RNF175: variants seen among roughly 807,000 people sequenced by gnomAD.
The protein encoded by RNF175 is ring finger protein 175.
In RNF175, 38 loss-of-function variants were observed where a neutral mutation model predicts 50.0. The observed-to-expected ratio is 0.76, with a 90% confidence interval of 0.59 to 1.00. RNF175 has a LOEUF of 1.00. RNF175 is among the 50% of genes least tolerant of loss of function. RNF175 has a pLI of 0.00. For synonymous variants in RNF175, 155 were observed against 146.1 expected (o/e 1.06, Z -0.44); for missense variants, 388 against 409.6 (o/e 0.95, Z 0.46).
Position 153,710,231 on chromosome 4 carries a change from C to T in RNF175, c.*138G>A, listed in dbSNP as rs1737469298. ...TCAGCTTCTCTTTAAATTCTTTCCACATGGACAAATTGCTTGACAACAAAG... is the reference window on the plus strand; with the variant it reads ...TCAGCTTCTCTTTAAATTCTTTCCATATGGACAAATTGCTTGACAACAAAG... On this transcript the variant is annotated 3_prime_UTR_variant, in exon 9 of 9. Coordinates refer to ENST00000347063, the MANE Select transcript of RNF175 (RefSeq NM_173662.4). The T allele has an allele frequency of 1.6e-6, 1 of 618,910 alleles. No homozygotes were observed. The highest frequency in any genetic ancestry group is 2.9e-5 in the East Asian group (1 of 34,404). 38.3% of individuals were successfully genotyped at this position (618,910 alleles called of 1,614,324 possible).
chr4:153,735,949 A>G (rs945638909), intron 3 of RNF175, among the ~76,000 whole-genome samples: 1 of 152,164 alleles, frequency 6.6e-6, no homozygotes, highest in African/African-American at 2.4e-5. Flanking sequence ...TTTCTTTCTA[A>G]TCTGCATACC....
In RNF175 at chr4:153,712,527, T is replaced by G. The variant is rs1358102546; in HGVS notation, c.814A>C (p.Thr272Pro). 9 of 1,613,366 alleles carry G rather than the reference T, an allele frequency of 5.6e-6. No homozygotes were observed. The highest frequency in any genetic ancestry group is 7.6e-6 in the Non-Finnish European group (9 of 1,179,510). ...RGWCIVGKKQ[T>P]CPYCKEKVDL... ...ACTTTCTCTTTGCAGTAAGGGCAAG[T>G]CTGCTTTTTCCCAACGATACACCAA... Residue 272 changes from threonine (T) to proline (P), a missense_variant, in exon 8 of 9, where the codon ACT (threonine) becomes CCT (proline). By Grantham distance (38) the Thr-to-Pro change is conservative. Transcript: ENST00000347063.
intron 1 of RNF175, 126 bp downstream of exon 1, chr4:153,759,670 TC>T: frequency 1.7e-6 from 1 of 577,586 alleles, no homozygotes; most frequent in Non-Finnish European, 2.8e-6. Flanking sequence ...CCCACGTCTT[TC>T]CAGGGCCGGT....
chr4:153,721,646 T>A (rs187367141), intron 5 of RNF175, among the ~76,000 whole-genome samples: 1 of 152,166 alleles, frequency 6.6e-6, no homozygotes, highest in East Asian at 1.9e-4. Flanking sequence ...ATGATAATCA[T>A]CAAGTAGTGA....
chr4:153,734,400 GTTATC>G (rs2127134442), intron 3 of RNF175, among the ~76,000 whole-genome samples: 1 of 152,228 alleles, frequency 6.6e-6, no homozygotes, highest in African/African-American at 2.4e-5. Flanking sequence ...GGTGTGTAGT[GTTATC>G]TTATTATTGC....
intron 6 of RNF175, among the ~76,000 whole-genome samples, chr4:153,716,958 G>A (rs753009998): frequency 2.0e-5 from 3 of 152,158 alleles, no homozygotes; most frequent in Non-Finnish European, 4.4e-5. Context: ...TAGTGATTTT[G>A]CCAAACAAGT....
At chr4:153,728,392 C>A in intron 3 of RNF175, 31 bp from the exon 4 acceptor site, 1 of 1,605,294 alleles carries the variant, frequency 6.2e-7, no homozygotes, top group Non-Finnish European at 8.5e-7. Flanking sequence ...AAGTATCTTT[C>A]AATGACCAAG....
chr4:153,743,352 C>T (rs116109197), intron 3 of RNF175, among the ~76,000 whole-genome samples: 1,619 of 152,308 alleles, frequency 0.011, 35 homozygotes, highest in African/African-American at 0.037. Context: ...TCTTGAGCCA[C>T]AGATTGAGTA....
intron 6 of RNF175, among the ~76,000 whole-genome samples, chr4:153,718,354 A>G (rs1411891479): frequency 6.6e-6 from 1 of 151,084 alleles, no homozygotes; most frequent in Non-Finnish European, 1.5e-5. Context: ...TCCTTACCTC[A>G]GTCACAAGCA....
At chr4:153,719,627 C>G (rs138384014) in intron 6 of RNF175, among the ~76,000 whole-genome samples, 1 of 152,138 alleles carries the variant, frequency 6.6e-6, no homozygotes, top group Non-Finnish European at 1.5e-5. Flanking sequence ...AGAAAAACAA[C>G]TGTTAGGGAT....
At chr4:153,712,131 C>T (rs189682135) in intron 8 of RNF175, among the ~76,000 whole-genome samples, 1 of 152,130 alleles carries the variant, frequency 6.6e-6, no homozygotes, top group African/African-American at 2.4e-5. Context: ...ATCTACCCAC[C>T]CATCCAGTTC....
At chr4:153,743,601 T>C (rs776011039) in intron 3 of RNF175, among the ~76,000 whole-genome samples, 7 of 152,122 alleles carry the variant, frequency 4.6e-5, no homozygotes, top group Non-Finnish European at 1.0e-4. Context: ...AGGATCACCA[T>C]GATCATTATC....
At chr4:153,720,084 A>G in intron 6 of RNF175, 100 bp downstream of exon 6, 2 of 1,284,824 alleles carry the variant, frequency 1.6e-6, no homozygotes, top group Non-Finnish European at 2.2e-6. Context: ...CAGTATATGG[A>G]GAAAGACTTA....
intron 3 of RNF175, among the ~76,000 whole-genome samples, chr4:153,730,752 T>C (rs1738991683): frequency 6.6e-6 from 1 of 152,222 alleles, no homozygotes; most frequent in African/African-American, 2.4e-5. Context: ...TCTTATATTT[T>C]ATACTTTAGA....
chr4:153,742,296 C>T (rs923077735), intron 3 of RNF175, among the ~76,000 whole-genome samples: 1 of 122,594 alleles, frequency 8.2e-6, no homozygotes, highest in Admixed American at 8.3e-5. Flanking sequence ...AAAAAAAATT[C>T]AGGCAGAATA....
At chr4:153,755,520 A>G (rs921733571) in intron 1 of RNF175, among the ~76,000 whole-genome samples, 2 of 152,212 alleles carry the variant, frequency 1.3e-5, no homozygotes, top group Non-Finnish European at 2.9e-5. Context: ...AGGAAGACAG[A>G]AATAAAAACT....
At chr4:153,727,190 G>A (rs1010912808) in intron 4 of RNF175, among the ~76,000 whole-genome samples, 1 of 152,036 alleles carries the variant, frequency 6.6e-6, no homozygotes, top group African/African-American at 2.4e-5. Flanking sequence ...AAGGAGAAAG[G>A]TACCATACAT....
chr4:153,732,941 T>C (rs1442599493), intron 3 of RNF175, among the ~76,000 whole-genome samples: 1 of 152,234 alleles, frequency 6.6e-6, no homozygotes, highest in Non-Finnish European at 1.5e-5. Context: ...TATTTAGTAG[T>C]ATCCCACATG....
At chr4:153,731,302 A>C (rs562758390) in intron 3 of RNF175, among the ~76,000 whole-genome samples, 44 of 152,202 alleles carry the variant, frequency 2.9e-4, no homozygotes, top group African/African-American at 9.4e-4. Context: ...CACATGAAAT[A>C]TATGAAATCG....
Sources: allele counts gnomAD v4.1 joint callset (sites outside exome capture counted in the v4.1 genomes callset), GRCh38; gene constraint gnomAD v4.1.1; transcripts MANE v1.5; gene names NCBI Gene and HGNC (gene_info 2026-07-23, HGNC 2026-07-21).